Variants in LRFN2 observed in about 807,000 individuals in gnomAD.
LRFN2 encodes leucine rich repeat and fibronectin type III domain containing 2.
LRFN2 carries 18 observed loss-of-function variants against 37.3 expected under a neutral mutation model. That is an observed-to-expected ratio of 0.48 (90% CI 0.33 to 0.72). The LOEUF (loss-of-function observed/expected upper bound fraction) is 0.72. Among genes scored for constraint, LRFN2 ranks in the 30% least tolerant of loss-of-function variants. The pLI, the probability that LRFN2 is intolerant of heterozygous loss-of-function variation, is 0.02. For missense variants in LRFN2, 1,006 were observed against 1,060.7 expected (o/e 0.95, Z 0.72); for synonymous variants, 556 against 466.6 (o/e 1.19, Z -2.47).
At chr6:40,585,753 GAAGCTTCC>G (rs1191624485) in intron 1 of LRFN2, among the ~76,000 whole-genome samples, 3 of 152,014 alleles carry the variant, frequency 2.0e-5, no homozygotes, top group Admixed American at 2.0e-4. Context: ...TCAAATTCCT[GAAGCTTCC>G]CCCTCCCCCA....
chr6:40,558,158 C>A (rs1766925574), intron 1 of LRFN2, among the ~76,000 whole-genome samples: 1 of 152,102 alleles, frequency 6.6e-6, no homozygotes, highest in African/African-American at 2.4e-5. Context: ...AAGCTGAGGC[C>A]CCCAAGGAAG....
intron 2 of LRFN2, among the ~76,000 whole-genome samples, chr6:40,430,487 A>G (rs1463151972): frequency 1.3e-5 from 2 of 152,244 alleles, no homozygotes; most frequent in East Asian, 1.9e-4. Context: ...TAAAACACAC[A>G]GAATTTCAAA....
At chr6:40,560,630 G>A (rs140948765) in intron 1 of LRFN2, among the ~76,000 whole-genome samples, 206 of 152,236 alleles carry the variant, frequency 1.4e-3, no homozygotes, top group African/African-American at 4.8e-3. Flanking sequence ...TTATCAAACC[G>A]CAGTTCATGA....
chr6:40,557,551 G>C lies in LRFN2; in HGVS notation c.-19+29390C>G, dbSNP rs78849091. Among the ~76,000 whole-genome samples the C allele has an allele frequency of 3.1e-3, 478 of 152,298 alleles. 1 individual carries two copies. Among genetic ancestry groups the C allele is most frequent in the Middle Eastern group, 0.01 (3 of 294 alleles). On this transcript the variant is annotated intron_variant, in intron 1 of 2. Transcript: ENST00000338305. ...GGCCCTGGGGTCAGAGACAGGCCTT[G>C]ACCCTGAAGGCCAGTAGGATACCTA...
chr6:40,391,673 G>A lies in LRFN2; in HGVS notation c.*270C>T, dbSNP rs1296389816. On this transcript the variant is annotated 3_prime_UTR_variant, in exon 3 of 3. Transcript: ENST00000338305. ...AGCCGCTTGCTTGTAGGCTACATTT[G>A]TGATTAGAAAGGCGGAGTCTCGCCT... The A allele has an allele frequency of 5.5e-6, 2 of 364,224 alleles. No homozygotes were observed. The highest frequency in any genetic ancestry group is 9.8e-6 in the Non-Finnish European group (2 of 204,302). 22.6% of individuals were successfully genotyped at this position (364,224 alleles called of 1,614,324 possible).
At chr6:40,552,337 TA>T (rs1176382548) in intron 1 of LRFN2, among the ~76,000 whole-genome samples, 1 of 152,238 alleles carries the variant, frequency 6.6e-6, no homozygotes, top group Admixed American at 6.5e-5. Context: ...AATTCAAATT[TA>T]GTAGGTCTAG....
At chr6:40,547,266 G>A (rs980825525) in intron 1 of LRFN2, among the ~76,000 whole-genome samples, 2 of 151,942 alleles carry the variant, frequency 1.3e-5, no homozygotes, top group African/African-American at 4.8e-5. Flanking sequence ...CACCACACCT[G>A]GCTAATTTTT....
intron 2 of LRFN2, among the ~76,000 whole-genome samples, chr6:40,399,604 A>AT: frequency 6.6e-6 from 1 of 151,046 alleles, no homozygotes. Flanking sequence ...AGCCTGGCTA[A>AT]TTTTTTGTAT....
chr6:40,548,050 T>G (rs1766697164), intron 1 of LRFN2, among the ~76,000 whole-genome samples: 1 of 152,224 alleles, frequency 6.6e-6, no homozygotes, highest in South Asian at 2.1e-4. Context: ...TGGCAGACTT[T>G]GGGTCAAATC....
At chr6:40,488,607 C>A (rs145557495) in intron 1 of LRFN2, among the ~76,000 whole-genome samples, 1 of 152,176 alleles carries the variant, frequency 6.6e-6, no homozygotes, top group East Asian at 1.9e-4. Flanking sequence ...ATTTATCAAG[C>A]CTTCTGTGGC....
At chr6:40,558,909 G>A (rs1766940181) in intron 1 of LRFN2, among the ~76,000 whole-genome samples, 1 of 152,214 alleles carries the variant, frequency 6.6e-6, no homozygotes, top group African/African-American at 2.4e-5. Flanking sequence ...GTGACACTGT[G>A]CAGAGGATGC....
At chr6:40,555,056 A>C (rs558576864) in intron 1 of LRFN2, among the ~76,000 whole-genome samples, 2 of 152,334 alleles carry the variant, frequency 1.3e-5, no homozygotes, top group East Asian at 3.9e-4. Context: ...TGGTTAAATA[A>C]TTTCCCCTGA....
At chr6:40,446,415 C>T (rs116057845) in intron 1 of LRFN2, among the ~76,000 whole-genome samples, 1,749 of 152,350 alleles carry the variant, frequency 0.011, 34 homozygotes, top group African/African-American at 0.04. Flanking sequence ...GGATCTCCCC[C>T]TTCCCTGCTG....
chr6:40,394,581 T>C (rs1581672357), intron 2 of LRFN2, among the ~76,000 whole-genome samples: 1 of 152,260 alleles, frequency 6.6e-6, no homozygotes, highest in East Asian at 1.9e-4. Flanking sequence ...GCTGCCTCCC[T>C]CCTCACCTGC....
chr6:40,499,181 C>T (rs1353634509), intron 1 of LRFN2, among the ~76,000 whole-genome samples: 1 of 152,172 alleles, frequency 6.6e-6, no homozygotes, highest in Non-Finnish European at 1.5e-5. Flanking sequence ...AACATCACAT[C>T]ATCTCCATCC....
chr6:40,394,644 G>C (rs912694201), intron 2 of LRFN2, among the ~76,000 whole-genome samples: 6 of 152,076 alleles, frequency 3.9e-5, no homozygotes, highest in African/African-American at 1.4e-4. Context: ...AGCCCCCAAG[G>C]CCCACCTGAT....
chr6:40,537,497 G>A (rs764165907), intron 1 of LRFN2, among the ~76,000 whole-genome samples: 2 of 152,130 alleles, frequency 1.3e-5, no homozygotes, highest in Non-Finnish European at 2.9e-5. Flanking sequence ...GGAACTGAGC[G>A]GGCTGCTGTG....
At position 40,587,101 on chromosome 6, in the gene LRFN2, C is replaced by A. The variant is rs1300631673; in HGVS notation, c.-179G>T. The A allele has an allele frequency of 6.6e-6, 1 of 152,210 alleles. No homozygotes were observed. Among genetic ancestry groups the A allele is most frequent in the Non-Finnish European group, 1.5e-5 (1 of 68,052 alleles). The allele number at this position is 152,210 out of a possible 1,614,324, so 9.4% of individuals were successfully genotyped here. On this transcript the variant is annotated 5_prime_UTR_variant, in exon 1 of 3. Coordinates refer to ENST00000338305, the MANE Select transcript of LRFN2 (RefSeq NM_020737.3). The surrounding 1 kb of genome is among the most constrained non-coding windows in gnomAD (Gnocchi z 4.2). ...AATGCAGGCAGATGGTGGCCTCGGA[C>A]GTCCACGCGGGGAAAGCCCTGAGCC...
At chr6:40,498,615 T>C (rs73432646) in intron 1 of LRFN2, among the ~76,000 whole-genome samples, 5,938 of 152,214 alleles carry the variant, frequency 0.039, 182 homozygotes, top group African/African-American at 0.069. Context: ...ACACATATGA[T>C]CTCATGTGCT....
Sources: allele counts gnomAD v4.1 joint callset (sites outside exome capture counted in the v4.1 genomes callset), GRCh38; gene constraint gnomAD v4.1.1; non-coding constraint Gnocchi (gnomAD v3.1); transcripts MANE v1.5; gene names NCBI Gene and HGNC (gene_info 2026-07-23, HGNC 2026-07-21).